Variants in FAM135B observed in about 807,000 individuals in gnomAD.
FAM135B encodes the protein family with sequence similarity 135 member B.
Under a neutral mutation model 127.7 loss-of-function variants are expected in FAM135B, and 43 were observed. The observed-to-expected ratio is 0.34, with a 90% CI of 0.26 to 0.43. The LOEUF (loss-of-function observed/expected upper bound fraction) is 0.43. FAM135B is among the 20% of genes least tolerant of loss of function. The pLI is 1.00. For missense variants in FAM135B, 1,558 were observed against 1,725.6 expected, an observed-to-expected ratio of 0.90 and a Z score of 1.72; for synonymous variants, 670 against 665.1, an observed-to-expected ratio of 1.01 and a Z score of -0.11.
At chr8:138,255,783 C>T (rs1256771998) in intron 5 of FAM135B, among the ~76,000 whole-genome samples, 1 of 152,146 alleles carries the variant, frequency 6.6e-6, no homozygotes, top group Non-Finnish European at 1.5e-5. Context: ...CTAAGGAATT[C>T]ACAAGAACAT....
At chr8:138,309,395 GA>G (rs892278908) in intron 3 of FAM135B, among the ~76,000 whole-genome samples, 1 of 151,912 alleles carries the variant, frequency 6.6e-6, no homozygotes, top group Middle Eastern at 3.2e-3. Flanking sequence ...AGGGAAAGAG[GA>G]GGAACACCTT....
intron 2 of FAM135B, among the ~76,000 whole-genome samples, chr8:138,322,342 C>T (rs1465611415): frequency 6.6e-6 from 1 of 152,102 alleles, no homozygotes; most frequent in African/African-American, 2.4e-5. Context: ...ATGAGCTAAG[C>T]TTCCTCTGGT....
chr8:138,402,789 A>G (rs1001069445), intron 1 of FAM135B, among the ~76,000 whole-genome samples: 2 of 152,222 alleles, frequency 1.3e-5, no homozygotes, highest in Non-Finnish European at 2.9e-5. Flanking sequence ...TTGTGAGGAA[A>G]TGAGCACTAT....
intron 2 of FAM135B, among the ~76,000 whole-genome samples, chr8:138,327,534 C>T (rs1292793660): frequency 1.3e-5 from 2 of 152,192 alleles, no homozygotes; most frequent in East Asian, 1.9e-4. Flanking sequence ...AGAGTGCAAA[C>T]ATTCACAAGT....
intron 6 of FAM135B, among the ~76,000 whole-genome samples, chr8:138,248,534 T>A (rs144946304): frequency 9.5e-4 from 145 of 152,208 alleles, no homozygotes; most frequent in Non-Finnish European, 1.4e-3. Flanking sequence ...TTTTAAAAAA[T>A]TTCGGCTGGG....
chr8:138,319,636 T>C (rs965635639), intron 2 of FAM135B, among the ~76,000 whole-genome samples: 22 of 152,178 alleles, frequency 1.4e-4, no homozygotes, highest in African/African-American at 5.3e-4. Flanking sequence ...TTCTGGGATA[T>C]AGTAACAAAA....
chr8:138,488,030 G>T (rs1815053346), intron 1 of FAM135B, among the ~76,000 whole-genome samples: 1 of 151,798 alleles, frequency 6.6e-6, no homozygotes, highest in South Asian at 2.1e-4. Context: ...AAAGACGCCT[G>T]TCAGTGTCAT....
intron 6 of FAM135B, among the ~76,000 whole-genome samples, chr8:138,249,015 C>T (rs929419329): frequency 2.6e-5 from 4 of 152,016 alleles, no homozygotes; most frequent in Non-Finnish European, 5.9e-5. Context: ...GATCCTAGGG[C>T]CCCAGAATCC....
chr8:138,345,682 G>A (rs963883847), intron 2 of FAM135B, among the ~76,000 whole-genome samples: 10 of 152,190 alleles, frequency 6.6e-5, no homozygotes, highest in Non-Finnish European at 1.2e-4. Flanking sequence ...GCCATGTGGC[G>A]ACGACAATGG....
At chr8:138,477,040 T>C (rs1814505842) in intron 1 of FAM135B, among the ~76,000 whole-genome samples, 1 of 152,142 alleles carries the variant, frequency 6.6e-6, no homozygotes, top group Non-Finnish European at 1.5e-5. Flanking sequence ...CATGAGACTT[T>C]TAAGCCATGT....
intron 7 of FAM135B, among the ~76,000 whole-genome samples, chr8:138,233,613 T>C (rs1269447019): frequency 6.6e-6 from 1 of 152,192 alleles, no homozygotes; most frequent in African/African-American, 2.4e-5. Flanking sequence ...TTGGCAATGA[T>C]TTCTTGGATA....
chr8:138,416,733 C>T (rs1834178678), intron 1 of FAM135B, among the ~76,000 whole-genome samples: 1 of 152,034 alleles, frequency 6.6e-6, no homozygotes, highest in South Asian at 2.1e-4. Flanking sequence ...CTTCTCCCAC[C>T]AAGATACCAA....
At chr8:138,371,201 G>A (rs759452746) in intron 1 of FAM135B, among the ~76,000 whole-genome samples, 32 of 152,200 alleles carry the variant, frequency 2.1e-4, no homozygotes, top group Non-Finnish European at 2.1e-4. Context: ...AAGAGCAAGA[G>A]TACCTACCCT....
At chr8:138,313,217 C>T (rs890074432) in intron 2 of FAM135B, among the ~76,000 whole-genome samples, 3 of 152,102 alleles carry the variant, frequency 2.0e-5, no homozygotes, top group South Asian at 4.2e-4. Flanking sequence ...CTGCAACTTC[C>T]GTCTCCCGGG....
chr8:138,331,579 C>T (rs1198616439), intron 2 of FAM135B, among the ~76,000 whole-genome samples: 1 of 152,112 alleles, frequency 6.6e-6, no homozygotes. Flanking sequence ...AGCCACAAAA[C>T]CCTACACTAC....
chr8:138,198,969 C>A, intron 7 of FAM135B, among the ~76,000 whole-genome samples: 1 of 152,144 alleles, frequency 6.6e-6, no homozygotes, highest in East Asian at 1.9e-4. Flanking sequence ...TGTTCCCAGG[C>A]CACCTTGTCT....
At chr8:138,252,460 C>T (rs1003012048) in intron 5 of FAM135B, among the ~76,000 whole-genome samples, 4 of 152,144 alleles carry the variant, frequency 2.6e-5, no homozygotes, top group Non-Finnish European at 5.9e-5. Flanking sequence ...GCTTGAACAA[C>T]AGGAGGTTAA....
At chr8:138,406,737 T>C (rs1833521715) in intron 1 of FAM135B, among the ~76,000 whole-genome samples, 1 of 151,012 alleles carries the variant, frequency 6.6e-6, no homozygotes, top group Admixed American at 6.6e-5. Flanking sequence ...TCTCAATAAA[T>C]TAGGTATTGA....
At chr8:138,490,647 T>C (rs1324945616) in intron 1 of FAM135B, among the ~76,000 whole-genome samples, 1 of 152,140 alleles carries the variant, frequency 6.6e-6, no homozygotes, top group Non-Finnish European at 1.5e-5. Context: ...AAAGAGTTCA[T>C]CCCACCACTA....
Sources: gnomAD v4.1 joint callset for allele counts (sites outside exome capture counted in the v4.1 genomes callset) on GRCh38, gnomAD v4.1.1 for gene constraint, MANE v1.5 for transcripts, NCBI Gene and HGNC (gene_info 2026-07-23, HGNC 2026-07-21) for gene names.